Variants in MME observed in about 807,000 individuals in gnomAD.
MME encodes the protein membrane metalloendopeptidase.
In MME, 98 loss-of-function variants were observed where a neutral mutation model predicts 113.2. The ratio of observed to expected loss-of-function variants is 0.87; its 90% CI spans 0.74 to 1.02. The LOEUF (loss-of-function observed/expected upper bound fraction) is 1.02, where lower values mean the gene tolerates loss of function less well. MME is among the 50% of genes least tolerant of loss of function. The probability of loss-of-function intolerance (pLI) is 0.00; values close to 1 mark genes in which losing one functional copy is unlikely to be tolerated. For missense variants in MME, 836 were observed against 896.0 expected (o/e 0.93, Z 0.86); for synonymous variants, 292 against 300.6 (o/e 0.97, Z 0.30).
chr3:155,057,013 T>G (rs1713952584), intron 1 of MME, among the ~76,000 whole-genome samples: 1 of 152,150 alleles, frequency 6.6e-6, no homozygotes, highest in Non-Finnish European at 1.5e-5. Context: ...ACCTAGGCAT[T>G]ACCATTCAGG....
At chr3:155,150,505 T>A (rs1483802143) in intron 16 of MME, among the ~76,000 whole-genome samples, 1 of 152,172 alleles carries the variant, frequency 6.6e-6, no homozygotes, top group Admixed American at 6.5e-5. Context: ...TAAGGTCTTC[T>A]CTGCTATATG....
At chr3:155,176,478 G>A (rs1420706421) in intron 22 of MME, among the ~76,000 whole-genome samples, 1 of 152,086 alleles carries the variant, frequency 6.6e-6, no homozygotes, top group Non-Finnish European at 1.5e-5. Context: ...CATGTAATGT[G>A]ATCTCACTCT....
intron 1 of MME, among the ~76,000 whole-genome samples, chr3:155,034,852 A>C (rs1353858965): frequency 6.6e-6 from 1 of 152,232 alleles, no homozygotes; most frequent in Non-Finnish European, 1.5e-5. Flanking sequence ...TTGAATTTAC[A>C]TCCAGGATAA....
At chr3:155,047,791 A>C (rs1325250908) in intron 1 of MME, among the ~76,000 whole-genome samples, 1 of 152,082 alleles carries the variant, frequency 6.6e-6, no homozygotes, top group Non-Finnish European at 1.5e-5. Context: ...GATTGGGTAG[A>C]CTATGGTTTC....
At chr3:155,095,933 T>G (rs982576253) in intron 3 of MME, among the ~76,000 whole-genome samples, 8 of 152,078 alleles carry the variant, frequency 5.3e-5, no homozygotes, top group African/African-American at 1.7e-4. Context: ...GTGATAGCAA[T>G]GAGGCCGGGA....
chr3:155,028,718 A>T (rs144081993), intron 1 of MME, among the ~76,000 whole-genome samples: 20 of 152,326 alleles, frequency 1.3e-4, no homozygotes, highest in Non-Finnish European at 2.5e-4. Flanking sequence ...TTTTGGTAGC[A>T]TTACATCTTT....
intron 16 of MME, among the ~76,000 whole-genome samples, chr3:155,149,419 G>A (rs1166538768): frequency 1.3e-5 from 2 of 152,104 alleles, no homozygotes; most frequent in African/African-American, 4.8e-5. Context: ...TAATGAGTGA[G>A]TGAGCAAGTG....
intron 1 of MME, among the ~76,000 whole-genome samples, chr3:155,040,583 TAGAG>T (rs1553749507): frequency 6.6e-6 from 1 of 151,732 alleles, no homozygotes; most frequent in Non-Finnish European, 1.5e-5. Context: ...GAAAGGGAGA[TAGAG>T]AAAGACTGAG....
intron 16 of MME, among the ~76,000 whole-genome samples, chr3:155,150,797 T>G (rs997851162): frequency 2.6e-5 from 4 of 152,226 alleles, no homozygotes; most frequent in Admixed American, 2.6e-4. Flanking sequence ...TTTCACAAGA[T>G]GATGCCTTTA....
intron 8 of MME, among the ~76,000 whole-genome samples, chr3:155,133,681 T>TACACCATAC (rs1720371274): frequency 1.3e-5 from 1 of 77,100 alleles, no homozygotes; most frequent in African/African-American, 4.3e-5. Flanking sequence ...TATATATATA[T>TACACCATAC]ATATATACCA....
chr3:155,171,264 T>G (rs969374824), intron 20 of MME, among the ~76,000 whole-genome samples: 12 of 152,162 alleles, frequency 7.9e-5, no homozygotes, highest in African/African-American at 1.9e-4. Context: ...TTGCGAGCTC[T>G]CTAAGAGGGA....
chr3:155,079,626 G>T (rs1285709053), upstream of MME: 1 of 146,642 alleles, frequency 6.8e-6, no homozygotes, highest in Non-Finnish European at 1.5e-5. Context: ...GGCGGGGTAG[G>T]GGGTGGGGGG....
At chr3:155,063,665 A>G (rs926499589) in intron 1 of MME, among the ~76,000 whole-genome samples, 1 of 112,910 alleles carries the variant, frequency 8.9e-6, no homozygotes, top group African/African-American at 3.6e-5. Context: ...TATATAACAT[A>G]TTATATATTA....
intron 1 of MME, among the ~76,000 whole-genome samples, chr3:155,059,258 C>CAAAAAAAAAAA (rs11459710): frequency 1.8e-5 from 1 of 56,084 alleles, no homozygotes; most frequent in Non-Finnish European, 3.4e-5. Flanking sequence ...AATTCTGTCT[C>CAAAAAAAAAAA]AAAAAAAAAA....
intron 1 of MME, among the ~76,000 whole-genome samples, chr3:155,053,608 G>C (rs1226199862): frequency 1.3e-5 from 2 of 152,166 alleles, no homozygotes; most frequent in Non-Finnish European, 1.5e-5. Flanking sequence ...TTCAAGATGA[G>C]CTTTGGGTGG....
In MME at chr3:155,179,971, T is replaced by C. The variant is rs555558495; in HGVS notation, c.2154-389T>C. 2.0e-5 allele frequency among the ~76,000 whole-genome samples: 3 copies of C among 152,352 alleles called. No homozygotes were observed. In the South Asian group the frequency reaches 6.2e-4, roughly 32 times the overall value. On this transcript the variant is annotated intron_variant, in intron 22 of 22. Transcript: ENST00000360490. ...ATATTCTTTGACCAAACTCTTATTATAATACAACTCCAAATACCTGCATTT... is the reference window on the plus strand; with the variant it reads ...ATATTCTTTGACCAAACTCTTATTACAATACAACTCCAAATACCTGCATTT...
At chr3:155,075,877 C>A (rs139442091), upstream of MME, among the ~76,000 whole-genome samples, 3 of 152,138 alleles carry the variant, frequency 2.0e-5, no homozygotes, top group Non-Finnish European at 4.4e-5. Flanking sequence ...TTACACACCC[C>A]GTTGTCTGGT....
intron 1 of MME, among the ~76,000 whole-genome samples, chr3:155,057,629 T>G (rs926512522): frequency 2.6e-5 from 4 of 152,094 alleles, no homozygotes; most frequent in Non-Finnish European, 5.9e-5. Context: ...GTGAGTTACA[T>G]TTTATACTCT....
chr3:155,089,387 C>G (rs1284664500), intron 3 of MME, among the ~76,000 whole-genome samples: 1 of 152,182 alleles, frequency 6.6e-6, no homozygotes, highest in Non-Finnish European at 1.5e-5. Flanking sequence ...TTTCTCAACT[C>G]AATCACTATT....
Sources: allele counts gnomAD v4.1 joint callset (sites outside exome capture counted in the v4.1 genomes callset), GRCh38; gene constraint gnomAD v4.1.1; transcripts MANE v1.5; gene names NCBI Gene and HGNC (gene_info 2026-07-23, HGNC 2026-07-21).